GALNT14: variants seen among roughly 807,000 people sequenced by gnomAD.
GALNT14 encodes polypeptide N-acetylgalactosaminyltransferase 14.
Under a neutral mutation model 77.5 loss-of-function variants are expected in GALNT14, and 60 were observed. The observed-to-expected ratio is 0.77, with a 90% confidence interval of 0.63 to 0.96. GALNT14 has a LOEUF of 0.96. Among genes scored for constraint, GALNT14 ranks in the 40% least tolerant of loss-of-function variants. GALNT14 has a pLI of 0.00. For synonymous variants in GALNT14, 280 were observed against 281.7 expected, an observed-to-expected ratio of 0.99 and a Z score of 0.06; for missense variants, 710 against 731.0, an observed-to-expected ratio of 0.97 and a Z score of 0.33.
intron 13 of GALNT14, among the ~76,000 whole-genome samples, chr2:30,919,702 T>A (rs1390875748): frequency 1.3e-5 from 2 of 152,240 alleles, no homozygotes; most frequent in African/African-American, 4.8e-5. Context: ...GGGTAGACTA[T>A]ATCCCTAGTA....
the GALNT14 span, among the ~76,000 whole-genome samples, chr2:30,893,877 T>G: frequency 6.6e-6 from 1 of 152,174 alleles, no homozygotes; most frequent in Non-Finnish European, 1.5e-5. Context: ...CTGGCCAAAG[T>G]ATTGTCATCT....
intron 1 of GALNT14, among the ~76,000 whole-genome samples, chr2:31,009,055 G>C (rs1243769334): frequency 6.6e-6 from 1 of 152,188 alleles, no homozygotes; most frequent in Non-Finnish European, 1.5e-5. Context: ...GATAATGACA[G>C]CAGAACTTGC....
intron 1 of GALNT14, among the ~76,000 whole-genome samples, chr2:31,010,595 A>G (rs1180403188): frequency 6.6e-6 from 1 of 152,194 alleles, no homozygotes; most frequent in Non-Finnish European, 1.5e-5. Flanking sequence ...AGCCTGGGCA[A>G]CAGAGAGAGA....
chr2:30,949,990 G>T (rs1666930274), intron 6 of GALNT14, among the ~76,000 whole-genome samples: 1 of 152,166 alleles, frequency 6.6e-6, no homozygotes, highest in Non-Finnish European at 1.5e-5. Flanking sequence ...TTCTGATTCT[G>T]CCATCTAGAA....
At chr2:31,066,709 G>A (rs1052667628) in intron 1 of GALNT14, among the ~76,000 whole-genome samples, 4 of 152,050 alleles carry the variant, frequency 2.6e-5, no homozygotes, top group African/African-American at 4.8e-5. Flanking sequence ...AGCTGCAGGT[G>A]CACAGAGATG....
intron 1 of GALNT14, among the ~76,000 whole-genome samples, chr2:31,011,665 C>T (rs574085087): frequency 6.6e-6 from 1 of 152,270 alleles, no homozygotes; most frequent in South Asian, 2.1e-4. Flanking sequence ...CACTGGCAGA[C>T]CTGTCTGGCA....
At chr2:30,921,185 C>T (rs1460424384) in intron 13 of GALNT14, among the ~76,000 whole-genome samples, 1 of 152,156 alleles carries the variant, frequency 6.6e-6, no homozygotes, top group African/African-American at 2.4e-5. Context: ...CGGAGGCCCA[C>T]AGAGACCTGG....
intron 1 of GALNT14, among the ~76,000 whole-genome samples, chr2:31,073,485 AG>A (rs11347617): frequency 0.57 from 84,414 of 148,570 alleles, 23,782 homozygotes; most frequent in Middle Eastern, 0.63. Flanking sequence ...GGGAATAAAG[AG>A]GGGGGGGGAA....
At chr2:31,065,836 C>A (rs1451282314) in intron 1 of GALNT14, among the ~76,000 whole-genome samples, 2 of 152,194 alleles carry the variant, frequency 1.3e-5, no homozygotes, top group African/African-American at 4.8e-5. Flanking sequence ...AAGAGGCAGA[C>A]CTGGGTTTGA....
intron 1 of GALNT14, among the ~76,000 whole-genome samples, chr2:31,031,058 C>T (rs144227656): frequency 6.6e-6 from 1 of 152,240 alleles, no homozygotes; most frequent in Admixed American, 6.5e-5. Flanking sequence ...TTGTACAATT[C>T]GAATATGAGA....
Position 31,106,270 on chromosome 2 carries a change from G to A in GALNT14, c.129+31688C>T, listed in dbSNP as rs1466908612. On this transcript the variant is annotated intron_variant, in intron 1 of 14. Coordinates refer to ENST00000349752, the MANE Select transcript of GALNT14 (RefSeq NM_024572.4). ...CCTAATATTTTAAATATGTTCCATT[G>A]TGTGTGTTTTCTGTGTGTCTATTTT... Among the ~76,000 whole-genome samples, 8 of 152,198 alleles carry A rather than the reference G, an allele frequency of 5.3e-5. No homozygotes were observed. The East Asian group carries it at 1.5e-3, about 29-fold the overall frequency.
In GALNT14 at chr2:31,060,287, T is replaced by A. The variant is rs185791180; in HGVS notation, c.130-67280A>T. 1.5e-3 allele frequency among the ~76,000 whole-genome samples: 235 copies of A among 152,232 alleles called. 1 individual carries two copies. Among genetic ancestry groups the A allele is most frequent in the African/African-American group, 5.3e-3 (219 of 41,542 alleles). ...ACTATCTCCACCCAAAAGGAACAAG[T>A]CACTGTGGTCTCCACTTTGCCAAAA... On this transcript the variant is annotated intron_variant, in intron 1 of 14. Transcript: ENST00000349752.
At chr2:30,894,545 A>C in the GALNT14 span, among the ~76,000 whole-genome samples, 1 of 152,172 alleles carries the variant, frequency 6.6e-6, no homozygotes, top group Non-Finnish European at 1.5e-5. Context: ...AGATCATCAC[A>C]CTTGTTTTTA....
intron 1 of GALNT14, among the ~76,000 whole-genome samples, chr2:31,047,562 T>G (rs1673544821): frequency 6.6e-6 from 1 of 152,182 alleles, no homozygotes; most frequent in African/African-American, 2.4e-5. Context: ...GCAACATTTC[T>G]TAGGCCCCAA....
At chr2:31,028,867 C>T (rs938975072) in intron 1 of GALNT14, among the ~76,000 whole-genome samples, 3 of 152,080 alleles carry the variant, frequency 2.0e-5, no homozygotes, top group South Asian at 2.1e-4. Context: ...AAGGGAAGGA[C>T]GGCTCCCATG....
chr2:30,962,028 T>C (rs1460388160), intron 3 of GALNT14, among the ~76,000 whole-genome samples: 2 of 152,052 alleles, frequency 1.3e-5, no homozygotes, highest in South Asian at 2.1e-4. Context: ...CCCAAGAAAC[T>C]GTGTTTTAAT....
intron 2 of GALNT14, among the ~76,000 whole-genome samples, chr2:30,989,652 AT>A (rs1193658397): frequency 7.5e-6 from 1 of 133,286 alleles, no homozygotes; most frequent in African/African-American, 3.0e-5. Context: ...ATTAGTATAT[AT>A]TAAAATATAT....
intron 2 of GALNT14, among the ~76,000 whole-genome samples, chr2:30,975,634 C>A (rs2148363308): frequency 6.6e-6 from 1 of 152,160 alleles, no homozygotes; most frequent in African/African-American, 2.4e-5. Context: ...AAATAATATG[C>A]AGCTCACATC....
At chr2:30,931,468 A>T (rs1665721071) in intron 10 of GALNT14, among the ~76,000 whole-genome samples, 1 of 152,188 alleles carries the variant, frequency 6.6e-6, no homozygotes, top group African/African-American at 2.4e-5. Context: ...GGAAGCAGGG[A>T]ACAGGCAAGT....
Sources: allele counts gnomAD v4.1 joint callset (sites outside exome capture counted in the v4.1 genomes callset), GRCh38; gene constraint gnomAD v4.1.1; transcripts MANE v1.5; gene names NCBI Gene and HGNC (gene_info 2026-07-23, HGNC 2026-07-21).